FXR2: variants seen among roughly 807,000 people sequenced by gnomAD.
FXR2 encodes FMR1 autosomal homolog 2, also known as RNA-binding protein FXR2.
In FXR2, 9 loss-of-function variants were observed where a neutral mutation model predicts 87.3. That is an observed-to-expected ratio of 0.10 (90% confidence interval 0.06 to 0.18). The LOEUF (loss-of-function observed/expected upper bound fraction) is 0.18, where lower values mean the gene tolerates loss of function less well. Among genes scored for constraint, FXR2 ranks in the 10% least tolerant of loss-of-function variants. FXR2 has a pLI of 1.00. For synonymous variants in FXR2, 331 were observed against 328.3 expected, an observed-to-expected ratio of 1.01 and a Z score of -0.09; for missense variants, 661 against 893.6, an observed-to-expected ratio of 0.74 and a Z score of 3.32.
chr17:7,593,396 G>T lies in FXR2; in HGVS notation c.1330+7C>A. 1 of 1,555,382 alleles carries T rather than the reference G, an allele frequency of 6.4e-7. No individual in the cohort carries two copies. Among genetic ancestry groups the T allele is most frequent in the Non-Finnish European group, 8.7e-7 (1 of 1,147,304 alleles). On this transcript the variant is annotated splice_region_variant and intron_variant, in intron 12 of 16. Transcript: ENST00000250113. This position sits in a 1 kb window ranked among gnomAD's most constrained non-coding sequence, Gnocchi z 6.1. The stretch of plus-strand genomic sequence containing the variant: ...CTCCTTGCCTCCTGTTCCCATAACT[G>T]TCTCACCATAGGCAGGACCGCCTGT...
At chr17:7,597,606 A>T (rs1567749398) in intron 7 of FXR2, among the ~76,000 whole-genome samples, 1 of 151,632 alleles carries the variant, frequency 6.6e-6, no homozygotes, top group Non-Finnish European at 1.5e-5. Context: ...AAGGGGTTTC[A>T]CCATGCTGGC....
Position 7,595,019 on chromosome 17 carries a change from G to C in FXR2, c.832-262C>G, listed in dbSNP as rs2071696468. ...CCCAGCTACTCCGGAGGCTGAGGCA[G>C]GAGATTTCTTGAACCCAGGAGGCAG... On this transcript the variant is annotated intron_variant, in intron 8 of 16. Coordinates refer to ENST00000250113, the MANE Select transcript of FXR2 (RefSeq NM_004860.4). This position sits in a 1 kb window ranked among gnomAD's most constrained non-coding sequence, Gnocchi z 4.7. Among the ~76,000 whole-genome samples the C allele has an allele frequency of 6.6e-6, 1 of 152,124 alleles. No homozygotes were observed. Among genetic ancestry groups the C allele is most frequent in the Non-Finnish European group, 1.5e-5 (1 of 68,034 alleles).
chr17:7,603,383 C>T (rs562045816), intron 5 of FXR2, among the ~76,000 whole-genome samples: 81 of 151,670 alleles, frequency 5.3e-4, no homozygotes, highest in Middle Eastern at 3.4e-3. Context: ...CAAAATTAGC[C>T]GGGTGTGGTG....
intron 1 of FXR2, among the ~76,000 whole-genome samples, chr17:7,606,550 T>C (rs1440219585): frequency 6.6e-6 from 1 of 152,114 alleles, no homozygotes; most frequent in Non-Finnish European, 1.5e-5. Context: ...CTAGAGGACA[T>C]GAGGATCTGT....
chr17:7,593,810 C>A lies in FXR2; in HGVS notation c.1107+108G>T. ...AGCCCCAAATTTCCACAGATGTTTT[C>A]TGTTCTACACGGAGAGACAAACAGA... On this transcript the variant is annotated intron_variant, in intron 11 of 16. Transcript: ENST00000250113. This position sits in a 1 kb window ranked among gnomAD's most constrained non-coding sequence, Gnocchi z 6.1. 1.2e-6 allele frequency: 1 copy of A among 856,564 alleles called. No individual in the cohort carries two copies. Among genetic ancestry groups the A allele is most frequent in the Non-Finnish European group, 1.9e-6 (1 of 522,320 alleles). 53.1% of individuals were successfully genotyped at this position (856,564 alleles called of 1,614,324 possible). A position where few individuals can be genotyped will look rare whatever the true frequency, so the allele number is the denominator to read the frequency against.
At chr17:7,609,736 C>G (rs904876106) in intron 1 of FXR2, among the ~76,000 whole-genome samples, 4 of 151,774 alleles carry the variant, frequency 2.6e-5, no homozygotes, top group Non-Finnish European at 5.9e-5. Flanking sequence ...ACTCCCACAA[C>G]CACTAATATT....
Position 7,591,680 on chromosome 17 carries a change from G to C in FXR2, c.*150C>G. ...GACCCTGTTACACACCCCTCCACTA[G>C]CTCCTGGAGGTTGGGGGGTACCCAA... On this transcript the variant is annotated 3_prime_UTR_variant, in exon 17 of 17. Coordinates refer to ENST00000250113, the MANE Select transcript of FXR2 (RefSeq NM_004860.4). This position sits in a 1 kb window ranked among gnomAD's most constrained non-coding sequence, Gnocchi z 4.0. The C allele has an allele frequency of 1.5e-6, 1 of 683,688 alleles. No individual in the cohort carries two copies. Among genetic ancestry groups the C allele is most frequent in the South Asian group, 1.6e-5 (1 of 63,048 alleles). 42.4% of individuals were successfully genotyped at this position (683,688 alleles called of 1,614,324 possible).
intron 3 of FXR2, among the ~76,000 whole-genome samples, chr17:7,604,638 C>T (rs144554580): frequency 0.031 from 4,613 of 146,666 alleles, 214 homozygotes; most frequent in African/African-American, 0.11. Flanking sequence ...TTGCAGTGAG[C>T]TGAGACCGCG....
At chr17:7,609,923 T>C (rs1009744728) in intron 1 of FXR2, among the ~76,000 whole-genome samples, 31 of 127,228 alleles carry the variant, frequency 2.4e-4, no homozygotes, top group African/African-American at 8.3e-4. Flanking sequence ...TATATATACA[T>C]GTATATGTAT....
At position 7,591,489 on chromosome 17, in the gene FXR2, C is replaced by T. The variant is rs972037438; in HGVS notation, c.*341G>A. On this transcript the variant is annotated 3_prime_UTR_variant, in exon 17 of 17. Coordinates refer to ENST00000250113, the MANE Select transcript of FXR2 (RefSeq NM_004860.4). The surrounding 1 kb of genome is among the most constrained non-coding windows in gnomAD (Gnocchi z 4.0). The stretch of plus-strand genomic sequence containing the variant: ...GGGATAGCAGGGGAGGCCCCCTGAA[C>T]GGTCAAATCTGGGTGGGTCGAGGAG... 5.0e-5 allele frequency: 15 copies of T among 300,392 alleles called. No homozygotes were observed. Among genetic ancestry groups the T allele is most frequent in the East Asian group, 4.1e-4 (4 of 9,762 alleles). The allele number at this position is 300,392 out of a possible 1,614,324, so 18.6% of individuals were successfully genotyped here. A position where few individuals can be genotyped will look rare whatever the true frequency, so the allele number is the denominator to read the frequency against.
chr17:7,601,894 T>C lies in FXR2; in HGVS notation c.544-369A>G, dbSNP rs189620419. Among the ~76,000 whole-genome samples the C allele has an allele frequency of 2.1e-4, 32 of 151,924 alleles. No homozygotes were observed. The East Asian group carries it at 6.0e-3, about 29-fold the overall frequency. On this transcript the variant is annotated intron_variant, in intron 6 of 16. Coordinates refer to ENST00000250113, the MANE Select transcript of FXR2 (RefSeq NM_004860.4). ...GTGAGCCGAGACTGCGCCACTGCACTCTAGCCTGGTGACAGAACAATACTC... is the reference window on the plus strand; with the variant it reads ...GTGAGCCGAGACTGCGCCACTGCACCCTAGCCTGGTGACAGAACAATACTC...
intron 1 of FXR2, among the ~76,000 whole-genome samples, chr17:7,612,538 A>C (rs1253117672): frequency 1.3e-5 from 2 of 152,192 alleles, no homozygotes; most frequent in Non-Finnish European, 2.9e-5. Context: ...ACAGGGAATA[A>C]GGTGATTCCT....
Position 7,591,856 on chromosome 17 carries a change from C to G in FXR2, c.1996G>C (p.Gly666Arg). Reference protein sequence around the residue: ...NGELSAPLELGSMVNGVS With the variant: ...NGELSAPLELRSMVNGVS Reference sequence around the variant, plus strand: ...TATGAAACCCCATTCACCATACTACCCAACTCCAAGGGGGCGGAGAGCTCC... The same window carrying G: ...TATGAAACCCCATTCACCATACTACGCAACTCCAAGGGGGCGGAGAGCTCC... The change falls in exon 17 of 17, where the codon GGT (glycine) becomes CGT (arginine). Residue 666 changes from glycine to arginine, a missense_variant. Physicochemically the swap from Gly to Arg is moderately radical, Grantham distance 125. Transcript: ENST00000250113. The surrounding 1 kb of genome is among the most constrained non-coding windows in gnomAD (Gnocchi z 4.0). The G allele has an allele frequency of 6.3e-7, 1 of 1,596,610 alleles. No homozygotes were observed. The highest frequency in any genetic ancestry group is 8.6e-7 in the Non-Finnish European group (1 of 1,164,084).
rs1567753882 is a variant in FXR2, at chr17:7,609,974, GTA to G, written c.82-3827_82-3826del. Among the ~76,000 whole-genome samples the G allele has an allele frequency of 2.6e-3, 250 of 94,754 alleles. 8 individuals carry two copies. The highest frequency in any genetic ancestry group is 0.013 in the Middle Eastern group (2 of 152). 62.2% of individuals were successfully genotyped at this position (94,754 alleles called of 152,430 possible). ...TGTATACATATATATACATGTATATGTATACATATATATATACATGTATATGT... is the reference window on the plus strand; with the variant it reads ...TGTATACATATATATACATGTATATGTACATATATATATACATGTATATGT... On this transcript the variant is annotated intron_variant, in intron 1 of 16. Transcript: ENST00000250113.
chr17:7,610,174 G>A (rs1374951486), intron 1 of FXR2, among the ~76,000 whole-genome samples: 8 of 151,822 alleles, frequency 5.3e-5, no homozygotes, highest in Non-Finnish European at 1.0e-4. Context: ...CTGCAGGGTC[G>A]TCTGGATTTC....
At chr17:7,601,834 G>A (rs561226943) in intron 6 of FXR2, among the ~76,000 whole-genome samples, 1 of 152,230 alleles carries the variant, frequency 6.6e-6, no homozygotes, top group South Asian at 2.1e-4. Context: ...GGCTGAGGCA[G>A]GAGAATCGCT....
chr17:7,609,515 C>T (rs2071831761), intron 1 of FXR2, among the ~76,000 whole-genome samples: 1 of 152,156 alleles, frequency 6.6e-6, no homozygotes, highest in East Asian at 1.9e-4. Context: ...CTTTCTCTGA[C>T]ATTCTCTTCT....
intron 1 of FXR2, among the ~76,000 whole-genome samples, chr17:7,612,059 A>G (rs1327206797): frequency 6.6e-6 from 1 of 152,186 alleles, no homozygotes; most frequent in Non-Finnish European, 1.5e-5. Flanking sequence ...AGAAAGGGAA[A>G]AGATTCAGAG....
rs2071701436 is a variant in FXR2 at position 7,595,634 on chromosome 17, G to T, written c.831+190C>A. The stretch of plus-strand genomic sequence containing the variant: ...CAGCTAATTTTTAAATTTTTGTAGA[G>T]ATTGGGTCTCACTATGTTGCACAGG... On this transcript the variant is annotated intron_variant, in intron 8 of 16. Transcript: ENST00000250113. The surrounding 1 kb of genome is among the most constrained non-coding windows in gnomAD (Gnocchi z 4.7). 2.0e-5 allele frequency among the ~76,000 whole-genome samples: 3 copies of T among 152,040 alleles called. No individual in the cohort carries two copies. The highest frequency in any genetic ancestry group is 6.6e-5 in the Admixed American group (1 of 15,252).
Sources: gnomAD v4.1 joint callset for allele counts (sites outside exome capture counted in the v4.1 genomes callset) on GRCh38, gnomAD v4.1.1 for gene constraint, Gnocchi (gnomAD v3.1) non-coding constraint, MANE v1.5 for transcripts, NCBI Gene and HGNC (gene_info 2026-07-23, HGNC 2026-07-21) for gene names.